Variants in ACBD7 observed in about 807,000 individuals in gnomAD.
ACBD7 encodes acyl-CoA-binding domain-containing protein 7.
A neutral mutation model predicts 13.7 loss-of-function variants in ACBD7; 11 were observed. The ratio of observed to expected loss-of-function variants is 0.80; its 90% CI spans 0.50 to 1.33. The LOEUF is 1.33. Among genes scored for constraint, ACBD7 ranks in the 40% most tolerant of loss-of-function variants. The pLI is 0.00. For synonymous variants in ACBD7, 43 were observed against 37.7 expected (o/e 1.14, Z -0.51); for missense variants, 111 against 103.0 (o/e 1.08, Z -0.33).
At chr10:15,080,753 G>A (rs11259467) in intron 1 of ACBD7, among the ~76,000 whole-genome samples, 3,368 of 152,198 alleles carry the variant, frequency 0.022, 144 homozygotes, top group African/African-American at 0.077. Flanking sequence ...GTGTTCCCAG[G>A]ATCTTTATCC....
At chr10:15,079,100 CA>C in intron 1 of ACBD7, 60 bp from the exon 2 acceptor site, 1 of 1,127,910 alleles carries the variant, frequency 8.9e-7, no homozygotes, top group South Asian at 1.5e-5. Context: ...AATAGGAACT[CA>C]AAGAGCAGGA....
At chr10:15,083,553 C>A (rs530046061) in intron 1 of ACBD7, among the ~76,000 whole-genome samples, 1 of 152,328 alleles carries the variant, frequency 6.6e-6, no homozygotes, top group South Asian at 2.1e-4. Context: ...ACAATCACGG[C>A]TCACTGCAAC....
intron 1 of ACBD7, among the ~76,000 whole-genome samples, chr10:15,083,763 G>A (rs1206031861): frequency 3.3e-5 from 5 of 152,214 alleles, no homozygotes; most frequent in Admixed American, 2.0e-4. Context: ...GATTACAGGC[G>A]TGAGCCACGA....
chr10:15,076,125 T>C lies in ACBD7; in HGVS notation c.*2405A>G, dbSNP rs1416394689. 7 of 985,262 alleles carry C rather than the reference T, an allele frequency of 7.1e-6. No homozygotes were observed. The East Asian group carries it at 3.4e-4, about 48-fold the overall frequency. 61.0% of individuals were successfully genotyped at this position (985,262 alleles called of 1,614,324 possible). ...AGATAGTTTTGTTGTTGTAGTAACA[T>C]GAAGTGGATCTATTCCTCTGGTCAT... On this transcript the variant is annotated 3_prime_UTR_variant, in exon 4 of 4. Transcript: ENST00000356189.
At position 15,076,206 on chromosome 10, in the gene ACBD7, T is replaced by C; in HGVS notation, c.*2324A>G. The C allele has an allele frequency of 3.0e-6, 3 of 985,250 alleles. No individual in the cohort carries two copies. Among genetic ancestry groups the C allele is most frequent in the Non-Finnish European group, 3.6e-6 (3 of 829,866 alleles). 61.0% of individuals were successfully genotyped at this position (985,250 alleles called of 1,614,324 possible). A position where few individuals can be genotyped will look rare whatever the true frequency, so the allele number is the denominator to read the frequency against. ...AATAGAGGTACACTGTTTTGGGGGA[T>C]ATTTATCTTAAGGGATCTCAAACAA... On this transcript the variant is annotated 3_prime_UTR_variant, in exon 4 of 4. Transcript: ENST00000356189.
At chr10:15,088,323 T>C (rs1282809702) in intron 1 of ACBD7, 1 of 243,334 alleles carries the variant, frequency 4.1e-6, no homozygotes, top group Non-Finnish European at 7.8e-6. Context: ...ACAGTATTTT[T>C]AAATTGGAGC....
rs151184923 is a variant in ACBD7 at position 15,078,709 on chromosome 10, C to T, written c.175G>A (p.Ala59Thr). 3.3e-5 allele frequency: 53 copies of T among 1,613,928 alleles called. No homozygotes were observed. The highest frequency in any genetic ancestry group is 4.1e-5 in the Non-Finnish European group (48 of 1,179,992). ...LDLKGKAKWE[A>T]WNLKKGLSTE... The stretch of plus-strand genomic sequence containing the variant: ...AAAAAACCTTTTTTGAGGTTCCATG[C>T]TTCCCATTTGGCTTTGCCTTTTAAA... The change falls in exon 3 of 4, where the codon GCA becomes ACA. Residue 59 changes from alanine (A) to threonine (T), a missense_variant. Transcript: ENST00000356189.
At position 15,078,039 on chromosome 10, in the gene ACBD7, T is replaced by C. The variant is rs10796256; in HGVS notation, c.*491A>G. The stretch of plus-strand genomic sequence containing the variant: ...ATACATGTGCCATGGTGGTTTGCTG[T>C]ACCCATCAACCGGTCACCTACATCA... On this transcript the variant is annotated 3_prime_UTR_variant, in exon 4 of 4. Coordinates refer to ENST00000356189, the MANE Select transcript of ACBD7 (RefSeq NM_001039844.3). 70,311 of 157,756 alleles carry C rather than the reference T, an allele frequency of 0.45. 16,005 individuals carry two copies. Among genetic ancestry groups the C allele is most frequent in the South Asian group, 0.61 (3,214 of 5,288 alleles). 9.8% of individuals were successfully genotyped at this position (157,756 alleles called of 1,614,324 possible).
At chr10:15,080,720 G>T (rs1384963979) in intron 1 of ACBD7, among the ~76,000 whole-genome samples, 5 of 152,208 alleles carry the variant, frequency 3.3e-5, no homozygotes, top group Non-Finnish European at 7.3e-5. Flanking sequence ...AGACAAGGAA[G>T]TCCAGTCTAC....
chr10:15,083,550 C>T (rs797003981), intron 1 of ACBD7, among the ~76,000 whole-genome samples: 7 of 152,308 alleles, frequency 4.6e-5, no homozygotes, highest in African/African-American at 1.2e-4. Context: ...GGCACAATCA[C>T]GGCTCACTGC....
At position 15,075,991 on chromosome 10, in the gene ACBD7, AAAAAAAGAAAAG is replaced by A; in HGVS notation, c.*2527_*2538del. The A allele has an allele frequency of 1.6e-6, 1 of 631,770 alleles. No homozygotes were observed. Among genetic ancestry groups the A allele is most frequent in the Non-Finnish European group, 1.9e-6 (1 of 513,256 alleles). The allele number at this position is 631,770 out of a possible 1,614,324, so 39.1% of individuals were successfully genotyped here. A position where few individuals can be genotyped will look rare whatever the true frequency, so the allele number is the denominator to read the frequency against. Reference sequence around the variant, plus strand: ...CCTGTCTCAACAAAAAAAAAAAAAAAAAAAAAGAAAAGAAAAAGAATGTTATATAAATGGAAT... The same window carrying A: ...CCTGTCTCAACAAAAAAAAAAAAAAAAAAAAGAATGTTATATAAATGGAAT... On this transcript the variant is annotated 3_prime_UTR_variant, in exon 4 of 4. Coordinates refer to ENST00000356189, the MANE Select transcript of ACBD7 (RefSeq NM_001039844.3).
rs1013257117 is a variant in ACBD7 at position 15,079,937 on chromosome 10, C to T, written c.13-897G>A. Among the ~76,000 whole-genome samples, 4 of 150,564 alleles carry T rather than the reference C, an allele frequency of 2.7e-5. No homozygotes were observed. In the East Asian group the frequency reaches 7.8e-4, roughly 29 times the overall value. On this transcript the variant is annotated intron_variant, in intron 1 of 3. Transcript: ENST00000356189. ...CTCATTGAAGGTTTCTCAATCACCTCGCAGATGCGCCCTTCCTCTTCTGCC... is the reference window on the plus strand; with the variant it reads ...CTCATTGAAGGTTTCTCAATCACCTTGCAGATGCGCCCTTCCTCTTCTGCC...
intron 1 of ACBD7, among the ~76,000 whole-genome samples, chr10:15,083,143 C>T (rs556434315): frequency 5.9e-5 from 9 of 152,344 alleles, no homozygotes; most frequent in African/African-American, 2.2e-4. Context: ...TCAGGGGTCC[C>T]CGCTCTTTCT....
chr10:15,077,346 A>T lies in ACBD7; in HGVS notation c.*1184T>A, dbSNP rs1327769421. ...TGAAACAACTCAGAAAAAAATAAGAAAATAAAGATTTTTAAAGAACCCTCA... is the reference window on the plus strand; with the variant it reads ...TGAAACAACTCAGAAAAAAATAAGATAATAAAGATTTTTAAAGAACCCTCA... On this transcript the variant is annotated 3_prime_UTR_variant, in exon 4 of 4. Transcript: ENST00000356189. Among the ~76,000 whole-genome samples, 1 of 152,162 alleles carries T rather than the reference A, an allele frequency of 6.6e-6. No homozygotes were observed. The highest frequency in any genetic ancestry group is 2.1e-4 in the South Asian group (1 of 4,822).
chr10:15,085,043 T>A (rs988793035), intron 1 of ACBD7, among the ~76,000 whole-genome samples: 2 of 152,234 alleles, frequency 1.3e-5, no homozygotes, highest in African/African-American at 2.4e-5. Context: ...TTTTGCAGTA[T>A]CCTGTTGCAG....
intron 1 of ACBD7, among the ~76,000 whole-genome samples, chr10:15,085,982 A>G (rs1844803553): frequency 6.6e-6 from 1 of 152,196 alleles, no homozygotes; most frequent in South Asian, 2.1e-4. Flanking sequence ...AGAGATTTCA[A>G]TATGTCAGCC....
At chr10:15,081,842 A>G (rs566939207) in intron 1 of ACBD7, among the ~76,000 whole-genome samples, 1 of 152,296 alleles carries the variant, frequency 6.6e-6, no homozygotes, top group East Asian at 1.9e-4. Flanking sequence ...CCCACAGGGG[A>G]CTGAGAAGCA....
chr10:15,078,992 GTCTTGCTTTCAGCT>G lies in ACBD7; in HGVS notation c.47_60del (p.Lys16ThrfsTer3). 6.2e-6 allele frequency: 10 copies of G among 1,608,744 alleles called. No individual in the cohort carries two copies. The highest frequency in any genetic ancestry group is 8.5e-6 in the Non-Finnish European group (10 of 1,177,446). On this transcript the variant is annotated frameshift_variant, in exon 2 of 4. Transcript: ENST00000356189. LOFTEE classifies it high-confidence loss of function. ...AGTTCTTTCAGTTCTCCATCATCTGGTCTTGCTTTCAGCTTCCTCACATCTTCTGCAGCCCTGTC... is the reference window on the plus strand; with the variant it reads ...AGTTCTTTCAGTTCTCCATCATCTGGTCCTCACATCTTCTGCAGCCCTGTC...
chr10:15,079,218 T>C (rs1355411076), intron 1 of ACBD7, among the ~76,000 whole-genome samples, 178 bp from the exon 2 acceptor site: 1 of 151,726 alleles, frequency 6.6e-6, no homozygotes, highest in Non-Finnish European at 1.5e-5. Context: ...ACTTACCTAA[T>C]ATGAGGAACT....
Sources: allele counts gnomAD v4.1 joint callset (sites outside exome capture counted in the v4.1 genomes callset), GRCh38; gene constraint gnomAD v4.1.1; transcripts MANE v1.5; gene names NCBI Gene and HGNC (gene_info 2026-07-23, HGNC 2026-07-21).